CD96: variants seen among roughly 807,000 people sequenced by gnomAD.
The protein encoded by CD96 is T-cell surface protein tactile.
In CD96, 70 loss-of-function variants were observed where a neutral mutation model predicts 71.3. The observed-to-expected ratio is 0.98, with a 90% CI of 0.81 to 1.20. CD96 has a LOEUF of 1.20. Ranked by LOEUF, CD96 falls within the 50% of genes most tolerant of loss-of-function variation. The probability of loss-of-function intolerance (pLI) is 0.00; values close to 1 mark genes in which losing one functional copy is unlikely to be tolerated. For synonymous variants in CD96, 248 were observed against 233.0 expected (o/e 1.06, Z -0.59); for missense variants, 742 against 677.5 (o/e 1.10, Z -1.06).
At chr3:111,569,740 A>G (rs1935888538) in intron 3 of CD96, among the ~76,000 whole-genome samples, 1 of 152,180 alleles carries the variant, frequency 6.6e-6, no homozygotes, top group Non-Finnish European at 1.5e-5. Flanking sequence ...CTTTTATGTG[A>G]GTCTGAGCTT....
intron 4 of CD96, among the ~76,000 whole-genome samples, chr3:111,584,103 T>C (rs1936593154): frequency 6.6e-6 from 1 of 152,182 alleles, no homozygotes; most frequent in Admixed American, 6.5e-5. Context: ...GCTTAGAAAT[T>C]TCTCCTGCCA....
In CD96 at chr3:111,562,003, C is replaced by T. The variant is rs528761525; in HGVS notation, c.419-5520C>T. On this transcript the variant is annotated intron_variant, in intron 2 of 13. Transcript: ENST00000352690. ...GCGTCCGTCACCCCTTTCTTTGACT[C>T]GGAAAGGGAACTCCCTGACCCCTTG... Among the ~76,000 whole-genome samples the T allele has an allele frequency of 4.2e-3, 644 of 152,078 alleles. 7 individuals carry two copies. The highest frequency in any genetic ancestry group is 0.015 in the African/African-American group (604 of 41,460).
chr3:111,638,169 G>A lies in CD96; in HGVS notation c.1477+1G>A, dbSNP rs780743095. ...AAAACTAATCACGTCCATATCACTG[G>A]TAAGTCATTTATCCTATTTTGGGGG... On this transcript the variant is annotated splice_donor_variant, in intron 12 of 13. Coordinates refer to ENST00000352690, the MANE Select transcript of CD96 (RefSeq NM_005816.5). LOFTEE classifies it high-confidence loss of function. The A allele has an allele frequency of 2.9e-5, 45 of 1,557,986 alleles. 1 individual carries two copies. The East Asian group carries it at 9.0e-4, about 31-fold the overall frequency.
At chr3:111,647,404 C>A (rs540579535) in intron 12 of CD96, 139 bp from the exon 13 acceptor site, 245 of 801,402 alleles carry the variant, frequency 3.1e-4, no homozygotes, top group Admixed American at 6.0e-4. Context: ...GGTAACAAGG[C>A]TTAGACATGC....
At chr3:111,552,253 G>T (rs1042253259) in intron 2 of CD96, among the ~76,000 whole-genome samples, 4 of 151,940 alleles carry the variant, frequency 2.6e-5, no homozygotes, top group Non-Finnish European at 5.9e-5. Context: ...AAGATTTGTG[G>T]CAATATAAAA....
rs200256046 is a variant in CD96 at position 111,567,511 on chromosome 3, G to A, written c.419-12G>A. 15 of 1,604,580 alleles carry A rather than the reference G, an allele frequency of 9.3e-6. No individual in the cohort carries two copies. Among genetic ancestry groups the A allele is most frequent in the Middle Eastern group, 1.6e-4 (1 of 6,068 alleles). On this transcript the variant is annotated splice_polypyrimidine_tract_variant and intron_variant, in intron 2 of 13. Transcript: ENST00000352690. The stretch of plus-strand genomic sequence containing the variant: ...GAGATTCACATATTTTCTACCTTAT[G>A]TTTTGTTACAGTTACAGCAGATGAA...
intron 8 of CD96, among the ~76,000 whole-genome samples, chr3:111,619,245 A>T (rs1330832447): frequency 4.1e-5 from 5 of 121,098 alleles, no homozygotes; most frequent in African/African-American, 1.5e-4. Flanking sequence ...ATTTCCAGTG[A>T]TAGCATAAAA....
chr3:111,631,566 C>T (rs1939063789), intron 10 of CD96, among the ~76,000 whole-genome samples: 1 of 151,804 alleles, frequency 6.6e-6, no homozygotes, highest in African/African-American at 2.4e-5. Flanking sequence ...CCATACTGTC[C>T]AAAGCAATTT....
At chr3:111,562,872 G>T (rs1576322308) in intron 2 of CD96, among the ~76,000 whole-genome samples, 1 of 152,178 alleles carries the variant, frequency 6.6e-6, no homozygotes, top group Non-Finnish European at 1.5e-5. Flanking sequence ...CATGTTAAAG[G>T]TCTTTCTGGT....
intron 3 of CD96, among the ~76,000 whole-genome samples, chr3:111,578,150 G>A (rs1402244455): frequency 6.6e-6 from 1 of 152,078 alleles, no homozygotes; most frequent in Non-Finnish European, 1.5e-5. Context: ...CTCTACCCTT[G>A]TGCCCGTCAA....
rs16858342 is a variant in CD96 at position 111,618,461 on chromosome 3, T to C, written c.1181-5293T>C. On this transcript the variant is annotated intron_variant, in intron 8 of 13. Coordinates refer to ENST00000352690, the MANE Select transcript of CD96 (RefSeq NM_005816.5). ...GAAGCTACGACTCATACTGTCCAGTTTGAGAAGAAATGTCATGATTAAGAG... is the reference window on the plus strand; with the variant it reads ...GAAGCTACGACTCATACTGTCCAGTCTGAGAAGAAATGTCATGATTAAGAG... Among the ~76,000 whole-genome samples the C allele has an allele frequency of 7.5e-3, 1,148 of 152,322 alleles. 17 individuals carry two copies. Among genetic ancestry groups the C allele is most frequent in the African/African-American group, 0.026 (1,089 of 41,574 alleles).
intron 13 of CD96, among the ~76,000 whole-genome samples, chr3:111,647,910 C>T (rs921459731): frequency 6.6e-6 from 1 of 152,134 alleles, no homozygotes; most frequent in Admixed American, 6.6e-5. Context: ...TCAGATAGAG[C>T]AAGTCCGTGG....
At position 111,555,385 on chromosome 3, in the gene CD96, A is replaced by G. The variant is rs543376543; in HGVS notation, c.418+9983A>G. 3.3e-5 allele frequency among the ~76,000 whole-genome samples: 5 copies of G among 152,392 alleles called. No homozygotes were observed. In the East Asian group the frequency reaches 9.6e-4, roughly 29 times the overall value. ...TTGTCATTTCTTTTCAGCCTGAAGG[A>G]CTTTAGTATTTCGTGTAAGACAAAT... On this transcript the variant is annotated intron_variant, in intron 2 of 13. Transcript: ENST00000352690.
intron 8 of CD96, among the ~76,000 whole-genome samples, chr3:111,613,620 C>G (rs1175864742): frequency 6.6e-6 from 1 of 152,182 alleles, no homozygotes; most frequent in Admixed American, 6.5e-5. Context: ...AATGTCACTA[C>G]TGTGTTTAAA....
Position 111,545,999 on chromosome 3 carries a change from T to TA in CD96, c.418+608dup, listed in dbSNP as rs34298483. Among the ~76,000 whole-genome samples the TA allele has an allele frequency of 2.1e-3, 318 of 149,224 alleles. 1 individual carries two copies. The highest frequency in any genetic ancestry group is 6.0e-3 in the African/African-American group (243 of 40,290). ...ATAGGCTGACTGTATTTGTGTTGTT[T>TA]AAAAAAAAAAAGTCATACTGACTTT... On this transcript the variant is annotated intron_variant, in intron 2 of 13. Transcript: ENST00000352690.
intron 3 of CD96, chr3:111,570,716 G>T (rs1935939321): frequency 6.2e-7 from 1 of 1,612,502 alleles, no homozygotes; most frequent in African/African-American, 1.3e-5. Context: ...GAGCATCATA[G>T]ATGGGGTTGA....
intron 12 of CD96, among the ~76,000 whole-genome samples, chr3:111,642,668 A>G (rs867540655): frequency 6.6e-6 from 1 of 151,860 alleles, no homozygotes; most frequent in African/African-American, 2.4e-5. Flanking sequence ...TCAGCCAGGT[A>G]TGGTGGCAGG....
intron 2 of CD96, among the ~76,000 whole-genome samples, chr3:111,551,311 T>C (rs1281323393): frequency 1.3e-5 from 2 of 151,904 alleles, no homozygotes; most frequent in African/African-American, 4.8e-5. Context: ...GAACTGAGAG[T>C]CCAGGTATTG....
At chr3:111,602,483 C>A (rs945426248) in intron 7 of CD96, among the ~76,000 whole-genome samples, 4 of 151,938 alleles carry the variant, frequency 2.6e-5, no homozygotes, top group African/African-American at 9.7e-5. Context: ...CCTTTATGAT[C>A]AAATATTAAA....
Sources: gnomAD v4.1 joint callset for allele counts (sites outside exome capture counted in the v4.1 genomes callset) on GRCh38, gnomAD v4.1.1 for gene constraint, MANE v1.5 for transcripts, NCBI Gene and HGNC (gene_info 2026-07-23, HGNC 2026-07-21) for gene names.